GPC5: variants seen among roughly 807,000 people sequenced by gnomAD.
GPC5 encodes the protein glypican 5, also known as glypican-5.
Under a neutral mutation model 53.9 loss-of-function variants are expected in GPC5, and 47 were observed. That is an observed-to-expected ratio of 0.87 (90% CI 0.69 to 1.11). The LOEUF (loss-of-function observed/expected upper bound fraction) is 1.11. Among genes scored for constraint, GPC5 ranks in the 50% most tolerant of loss-of-function variants. GPC5 has a pLI of 0.00. For missense variants in GPC5, 748 were observed against 713.1 expected (o/e 1.05, Z -0.56); for synonymous variants, 286 against 263.3 (o/e 1.09, Z -0.84).
chr13:92,646,931 T>TGTGC (rs1885792950), intron 7 of GPC5, among the ~76,000 whole-genome samples: 2 of 92,272 alleles, frequency 2.2e-5, no homozygotes, highest in South Asian at 6.1e-4. Flanking sequence ...TATATAAACA[T>TGTGC]GTGTGTGTGT....
At chr13:92,802,463 C>T (rs1384707631) in intron 7 of GPC5, among the ~76,000 whole-genome samples, 1 of 151,680 alleles carries the variant, frequency 6.6e-6, no homozygotes, top group African/African-American at 2.4e-5. Context: ...TACATGTGCA[C>T]AACGTGATCA....
intron 5 of GPC5, among the ~76,000 whole-genome samples, chr13:91,875,252 A>C (rs543706340): frequency 6.6e-6 from 1 of 152,146 alleles, no homozygotes; most frequent in Admixed American, 6.6e-5. Context: ...GATTCTGATG[A>C]GGCTTGACAA....
intron 3 of GPC5, among the ~76,000 whole-genome samples, chr13:91,695,239 A>C (rs2035854540): frequency 6.6e-6 from 1 of 152,166 alleles, no homozygotes; most frequent in Non-Finnish European, 1.5e-5. Flanking sequence ...TGAAAATTGT[A>C]CATGGCCCAG....
intron 6 of GPC5, among the ~76,000 whole-genome samples, chr13:92,062,535 T>C (rs1459625609): frequency 1.3e-5 from 2 of 152,056 alleles, no homozygotes; most frequent in Admixed American, 1.3e-4. Flanking sequence ...AAAGTTCAAG[T>C]TTTATTCTAA....
chr13:92,587,158 G>A (rs1303466173), intron 7 of GPC5, among the ~76,000 whole-genome samples: 1 of 151,734 alleles, frequency 6.6e-6, no homozygotes, highest in African/African-American at 2.4e-5. Context: ...ATCATATCTT[G>A]TATTAAAAAA....
chr13:92,286,873 T>C (rs2042959153), intron 7 of GPC5, among the ~76,000 whole-genome samples: 1 of 151,996 alleles, frequency 6.6e-6, no homozygotes, highest in Admixed American at 6.6e-5. Flanking sequence ...ACCCTAGAAC[T>C]TAAAATACAA....
chr13:92,014,951 T>C (rs188959326), intron 6 of GPC5, among the ~76,000 whole-genome samples: 1 of 151,952 alleles, frequency 6.6e-6, no homozygotes. Context: ...CTGATTTGAG[T>C]GATGAAGTTG....
At chr13:92,136,914 C>G (rs1490342664) in intron 6 of GPC5, among the ~76,000 whole-genome samples, 2 of 152,222 alleles carry the variant, frequency 1.3e-5, no homozygotes, top group African/African-American at 4.8e-5. Flanking sequence ...ACCCACCAGA[C>G]TCATCTCCAA....
intron 7 of GPC5, among the ~76,000 whole-genome samples, chr13:92,283,133 A>C (rs1170882818): frequency 1.3e-5 from 2 of 152,250 alleles, no homozygotes; most frequent in Non-Finnish European, 2.9e-5. Flanking sequence ...TAAAGGTCAA[A>C]AGAGACAATG....
At chr13:91,789,532 AC>A (rs1159038339) in intron 5 of GPC5, among the ~76,000 whole-genome samples, 1 of 152,194 alleles carries the variant, frequency 6.6e-6, no homozygotes, top group African/African-American at 2.4e-5. Flanking sequence ...AGAATTTTGG[AC>A]AGAAATAAAA....
intron 7 of GPC5, among the ~76,000 whole-genome samples, chr13:92,446,006 G>C (rs991026900): frequency 6.6e-6 from 1 of 151,818 alleles, no homozygotes; most frequent in Admixed American, 6.6e-5. Context: ...GATATATGAG[G>C]TATTTTGATA....
intron 7 of GPC5, chr13:92,340,606 A>G (rs1025312087): frequency 6.6e-6 from 1 of 152,176 alleles, no homozygotes; most frequent in Non-Finnish European, 1.5e-5. Flanking sequence ...AAGAATTTTT[A>G]CTTGGAAACA....
chr13:92,129,007 C>T (rs1166949035), intron 6 of GPC5, among the ~76,000 whole-genome samples: 1 of 152,002 alleles, frequency 6.6e-6, no homozygotes, highest in African/African-American at 2.4e-5. Flanking sequence ...AATACCAAAG[C>T]AACTGGGAGC....
At chr13:92,463,819 G>GT (rs1312397005) in intron 7 of GPC5, among the ~76,000 whole-genome samples, 1 of 151,952 alleles carries the variant, frequency 6.6e-6, no homozygotes, top group African/African-American at 2.4e-5. Flanking sequence ...TTTTATTCCA[G>GT]TTTCCACTAC....
intron 6 of GPC5, among the ~76,000 whole-genome samples, chr13:92,123,257 C>A (rs958676936): frequency 7.9e-5 from 12 of 151,414 alleles, no homozygotes; most frequent in African/African-American, 2.7e-4. Context: ...AAAAAAAAAA[C>A]TATTTGGTTT....
intron 7 of GPC5, among the ~76,000 whole-genome samples, chr13:92,409,246 C>G (rs546345708): frequency 1.8e-4 from 28 of 151,688 alleles, no homozygotes; most frequent in African/African-American, 6.5e-4. Flanking sequence ...TGACAGATTT[C>G]ATTAAACAAA....
At chr13:92,163,417 C>T (rs1247605660) in intron 7 of GPC5, among the ~76,000 whole-genome samples, 1 of 145,406 alleles carries the variant, frequency 6.9e-6, no homozygotes, top group Non-Finnish European at 1.5e-5. Flanking sequence ...GCCGAGATTG[C>T]ACCACTGCAG....
chr13:91,756,255 G>A, intron 4 of GPC5, 40 bp from the exon 5 acceptor site: 2 of 1,435,322 alleles, frequency 1.4e-6, no homozygotes, highest in Non-Finnish European at 9.3e-7. Context: ...CTTTATTGTG[G>A]ATGTTTGGTT....
At chr13:91,790,517 C>A (rs2138745918) in intron 5 of GPC5, among the ~76,000 whole-genome samples, 1 of 152,288 alleles carries the variant, frequency 6.6e-6, no homozygotes. Context: ...ACAAAAACAA[C>A]AATGCTCCTA....
Sources: gnomAD v4.1 joint callset for allele counts (sites outside exome capture counted in the v4.1 genomes callset) on GRCh38, gnomAD v4.1.1 for gene constraint, MANE v1.5 for transcripts, NCBI Gene and HGNC (gene_info 2026-07-23, HGNC 2026-07-21) for gene names.